Variants in SLC25A17 observed in about 807,000 individuals in gnomAD.
SLC25A17 encodes the protein peroxisomal membrane protein PMP34.
Under a neutral mutation model 38.5 loss-of-function variants are expected in SLC25A17, and 26 were observed. The ratio of observed to expected loss-of-function variants is 0.68; its 90% CI spans 0.50 to 0.94. The LOEUF is 0.94. SLC25A17 is among the 40% of genes least tolerant of loss of function. The pLI is 0.00. For synonymous variants in SLC25A17, 139 were observed against 136.2 expected (o/e 1.02, Z -0.14); for missense variants, 333 against 372.7 (o/e 0.89, Z 0.88).
intron 1 of SLC25A17, among the ~76,000 whole-genome samples, chr22:40,818,747 A>G (rs1460669501): frequency 6.6e-6 from 1 of 151,654 alleles, no homozygotes; most frequent in Non-Finnish European, 1.5e-5. Context: ...TCTCCTGCCA[A>G]TAACGGTGCC....
rs139397758 is a variant in SLC25A17 at position 40,775,179 on chromosome 22, C to T, written c.694-1160G>A. Among the ~76,000 whole-genome samples the T allele has an allele frequency of 1.2e-4, 19 of 152,302 alleles. No individual in the cohort carries two copies. The East Asian group carries it at 2.3e-3, about 19-fold the overall frequency. ...GCTGAGGATAAAAATCTACATTCCT[C>T]ACCTACAGTTTCCCTGCTGCTCTTG... is the stretch of plus-strand genomic sequence containing the variant. On this transcript the variant is annotated intron_variant, in intron 7 of 8. Coordinates refer to ENST00000435456, the MANE Select transcript of SLC25A17 (RefSeq NM_006358.4).
At chr22:40,788,489 G>A (rs750215791) in intron 4 of SLC25A17, among the ~76,000 whole-genome samples, 3 of 152,272 alleles carry the variant, frequency 2.0e-5, no homozygotes, top group Admixed American at 6.5e-5. Flanking sequence ...TCAGGAGTTC[G>A]AGACCAGCCT....
At chr22:40,792,413 G>T in intron 4 of SLC25A17, 112 bp downstream of exon 4, 2 of 822,284 alleles carry the variant, frequency 2.4e-6, no homozygotes, top group East Asian at 2.9e-5. Context: ...AAACCAAGTT[G>T]GAAAACTGGC....
intron 1 of SLC25A17, among the ~76,000 whole-genome samples, chr22:40,806,875 G>A (rs955546890): frequency 6.6e-6 from 1 of 152,126 alleles, no homozygotes; most frequent in African/African-American, 2.4e-5. Context: ...GTCTTGCTAT[G>A]TTGCCCAGGC....
chr22:40,798,995 T>C (rs1266000210), intron 2 of SLC25A17, 28 bp downstream of exon 2: 12 of 1,432,592 alleles, frequency 8.4e-6, no homozygotes, highest in Non-Finnish European at 1.2e-5. Flanking sequence ...CCTGACACCA[T>C]ACAAATAGGA....
In SLC25A17 at chr22:40,779,561, G is replaced by A. The variant is rs189431767; in HGVS notation, c.335-436C>T. 422 of 271,186 alleles carry A rather than the reference G, an allele frequency of 1.6e-3. 2 individuals are homozygous for A. Among genetic ancestry groups the A allele is most frequent in the African/African-American group, 8.4e-3 (390 of 46,620 alleles). 16.8% of individuals were successfully genotyped at this position (271,186 alleles called of 1,614,324 possible). On this transcript the variant is annotated intron_variant, in intron 4 of 8. Transcript: ENST00000435456. ...CAACTCTTACTTAAGTAGCTCACAC[G>A]GTTTGAAGTGAGTATGGATATGGTA... is the stretch of plus-strand genomic sequence containing the variant.
chr22:40,801,594 C>T (rs1164911780), intron 1 of SLC25A17, among the ~76,000 whole-genome samples: 1 of 152,140 alleles, frequency 6.6e-6, no homozygotes, highest in Non-Finnish European at 1.5e-5. Flanking sequence ...TGACACTCAA[C>T]GACTAAATGA....
At chr22:40,786,810 C>A (rs1221503017) in intron 4 of SLC25A17, among the ~76,000 whole-genome samples, 1 of 152,146 alleles carries the variant, frequency 6.6e-6, no homozygotes, top group African/African-American at 2.4e-5. Context: ...AAGATATATT[C>A]AAGATTTTTG....
At chr22:40,791,934 T>C (rs1186156183) in intron 4 of SLC25A17, among the ~76,000 whole-genome samples, 1 of 152,148 alleles carries the variant, frequency 6.6e-6, no homozygotes, top group African/African-American at 2.4e-5. Context: ...GAGCTACACA[T>C]CCATTTTCAT....
intron 1 of SLC25A17, among the ~76,000 whole-genome samples, chr22:40,802,725 G>T (rs2057493976): frequency 1.3e-5 from 2 of 152,110 alleles, no homozygotes; most frequent in Non-Finnish European, 2.9e-5. Context: ...TGGATCAAGA[G>T]GGTTAGCTGA....
chr22:40,800,596 A>G (rs1483349119), intron 1 of SLC25A17, among the ~76,000 whole-genome samples: 3 of 152,012 alleles, frequency 2.0e-5, no homozygotes. Context: ...GAGTCTCACT[A>G]TATTTACCCA....
At chr22:40,815,475 G>C (rs781512942) in intron 1 of SLC25A17, among the ~76,000 whole-genome samples, 2 of 152,234 alleles carry the variant, frequency 1.3e-5, no homozygotes, top group Non-Finnish European at 2.9e-5. Context: ...ATTTTATCTA[G>C]AGAGTAAAAG....
chr22:40,814,168 T>C (rs1443746956), intron 1 of SLC25A17, among the ~76,000 whole-genome samples: 1 of 152,192 alleles, frequency 6.6e-6, no homozygotes, highest in Non-Finnish European at 1.5e-5. Context: ...TCTTCCACTA[T>C]CAGTCCTTAC....
intron 2 of SLC25A17, among the ~76,000 whole-genome samples, chr22:40,794,920 A>AT (rs1232649992): frequency 1.3e-5 from 2 of 151,712 alleles, no homozygotes; most frequent in African/African-American, 4.8e-5. Context: ...TGCCCCGCCT[A>AT]TTTTTTAATA....
At chr22:40,771,591 T>C (rs980379849) in intron 8 of SLC25A17, among the ~76,000 whole-genome samples, 3 of 152,124 alleles carry the variant, frequency 2.0e-5, no homozygotes, top group African/African-American at 7.2e-5. Flanking sequence ...TTCTGCTAAG[T>C]GAAACAAACC....
At chr22:40,784,801 A>AG (rs1298549496) in intron 4 of SLC25A17, among the ~76,000 whole-genome samples, 94 of 151,584 alleles carry the variant, frequency 6.2e-4, no homozygotes, top group African/African-American at 2.0e-3. Flanking sequence ...AAAAAAAAAA[A>AG]AAAAGAAAAG....
At chr22:40,784,784 C>CAAACAA in intron 4 of SLC25A17, among the ~76,000 whole-genome samples, 1 of 96,374 alleles carries the variant, frequency 1.0e-5, no homozygotes, top group Non-Finnish European at 1.9e-5. Flanking sequence ...TCAACAACAA[C>CAAACAA]AAAAAAAAAA....
At chr22:40,815,868 T>G (rs1184107680) in intron 1 of SLC25A17, among the ~76,000 whole-genome samples, 1 of 152,208 alleles carries the variant, frequency 6.6e-6, no homozygotes, top group African/African-American at 2.4e-5. Flanking sequence ...TAATCGTTTT[T>G]GATTCAGGCA....
At chr22:40,806,862 G>A (rs2057534561) in intron 1 of SLC25A17, among the ~76,000 whole-genome samples, 1 of 152,096 alleles carries the variant, frequency 6.6e-6, no homozygotes, top group Non-Finnish European at 1.5e-5. Context: ...TCTTAGAGAT[G>A]GGGTCTTGCT....
Sources: allele counts gnomAD v4.1 joint callset (sites outside exome capture counted in the v4.1 genomes callset), GRCh38; gene constraint gnomAD v4.1.1; transcripts MANE v1.5; gene names NCBI Gene and HGNC (gene_info 2026-07-23, HGNC 2026-07-21).